Variants in TAF2 observed in about 807,000 individuals in gnomAD.
TAF2 encodes TATA-box binding protein associated factor 2, also known as transcription initiation factor TFIID subunit 2.
In TAF2, 61 loss-of-function variants were observed where a neutral mutation model predicts 138.5. The ratio of observed to expected loss-of-function variants is 0.44; its 90% CI spans 0.36 to 0.54. The LOEUF (loss-of-function observed/expected upper bound fraction) is 0.54, where lower values mean the gene tolerates loss of function less well. TAF2 is among the 20% of genes least tolerant of loss of function. The pLI is 0.00. For synonymous variants in TAF2, 475 were observed against 469.9 expected, an observed-to-expected ratio of 1.01 and a Z score of -0.14; for missense variants, 1,090 against 1,427.9, an observed-to-expected ratio of 0.76 and a Z score of 3.81.
intron 17 of TAF2, among the ~76,000 whole-genome samples, chr8:119,779,125 ATCTC>A (rs148882229): frequency 6.6e-6 from 1 of 151,580 alleles, no homozygotes. Context: ...TTAGGCACCA[ATCTC>A]TCTCTCTCTC....
At chr8:119,760,356 G>C (rs779177251) in intron 20 of TAF2, 1 of 400,032 alleles carries the variant, frequency 2.5e-6, no homozygotes, top group Non-Finnish European at 4.5e-6. Context: ...TCCAATTAAA[G>C]CTACAGGATG....
At chr8:119,806,450 C>A (rs1328316007) in intron 3 of TAF2, 49 bp from the exon 4 acceptor site, 2 of 1,346,080 alleles carry the variant, frequency 1.5e-6, no homozygotes, top group African/African-American at 1.5e-5. Flanking sequence ...TGTATCTTAC[C>A]AAGCATTTTT....
chr8:119,750,481 A>G (rs1211485435), intron 22 of TAF2, among the ~76,000 whole-genome samples: 1 of 152,212 alleles, frequency 6.6e-6, no homozygotes, highest in Non-Finnish European at 1.5e-5. Context: ...AGAAATTTGT[A>G]CACAGTTAAG....
intron 19 of TAF2, among the ~76,000 whole-genome samples, chr8:119,762,078 A>C (rs1368463468): frequency 6.6e-6 from 1 of 152,162 alleles, no homozygotes; most frequent in African/African-American, 2.4e-5. Flanking sequence ...ACAATAGAGA[A>C]TGTTTATATA....
chr8:119,762,291 G>T (rs775191641), intron 19 of TAF2, 124 bp downstream of exon 19: 1 of 892,558 alleles, frequency 1.1e-6, no homozygotes, highest in Non-Finnish European at 1.7e-6. Flanking sequence ...GTGGGTGGTA[G>T]AATCATACAG....
intron 6 of TAF2, among the ~76,000 whole-genome samples, chr8:119,800,598 CAA>C (rs1406030797): frequency 6.6e-6 from 1 of 152,054 alleles, no homozygotes; most frequent in Non-Finnish European, 1.5e-5. Context: ...GATCATTTAC[CAA>C]AGACAATAAA....
chr8:119,782,156 T>A lies in TAF2; in HGVS notation c.2113-963A>T, dbSNP rs188962530. On this transcript the variant is annotated intron_variant, in intron 16 of 25. Coordinates refer to ENST00000378164, the MANE Select transcript of TAF2 (RefSeq NM_003184.4). ...ATTTTAACCTTATGAGACAGAAACA[T>A]CATCATGAATTTTAAATAAGGTTTT... Among the ~76,000 whole-genome samples, 101 of 152,282 alleles carry A rather than the reference T, an allele frequency of 6.6e-4. No individual in the cohort carries two copies. The South Asian group carries it at 8.3e-3, about 12-fold the overall frequency.
chr8:119,805,903 GTTTTTC>G (rs1311259173), intron 4 of TAF2, among the ~76,000 whole-genome samples: 7 of 139,128 alleles, frequency 5.0e-5, no homozygotes, highest in Admixed American at 4.8e-4. Flanking sequence ...TTTTGTTTTT[GTTTTTC>G]TTTTTTTTTT....
intron 3 of TAF2, among the ~76,000 whole-genome samples, chr8:119,808,676 T>C (rs139421274): frequency 6.6e-6 from 1 of 152,332 alleles, no homozygotes; most frequent in African/African-American, 2.4e-5. Flanking sequence ...CTTTAATCCA[T>C]AGGCTGCAGA....
At chr8:119,760,502 CTG>C (rs1399649950) in intron 20 of TAF2, 95 bp downstream of exon 20, 22 of 1,286,786 alleles carry the variant, frequency 1.7e-5, no homozygotes, top group African/African-American at 1.5e-5. Flanking sequence ...ATTAAAATAT[CTG>C]TGTTATACAT....
At chr8:119,797,161 GAAAAT>G (rs1361234429) in intron 7 of TAF2, 58 bp from the exon 8 acceptor site, 3 of 1,203,182 alleles carry the variant, frequency 2.5e-6, no homozygotes, top group Non-Finnish European at 3.7e-6. Flanking sequence ...CTTATTCAGT[GAAAAT>G]AAAATAATTC....
In TAF2 at chr8:119,731,380, G is replaced by A. The variant is rs1818868813; in HGVS notation, c.*544C>T. 6.6e-6 allele frequency: 1 copy of A among 152,582 alleles called. No homozygotes were observed. Among genetic ancestry groups the A allele is most frequent in the Admixed American group, 6.5e-5 (1 of 15,330 alleles). 9.5% of individuals were successfully genotyped at this position (152,582 alleles called of 1,614,324 possible). On this transcript the variant is annotated 3_prime_UTR_variant, in exon 26 of 26. Coordinates refer to ENST00000378164, the MANE Select transcript of TAF2 (RefSeq NM_003184.4). ...CAAAAGGAAAAATAACATATTCTTT[G>A]TTCATAAATTCTGATGCTTAGTTTC...
At chr8:119,815,733 C>CA (rs1825418570) in intron 3 of TAF2, among the ~76,000 whole-genome samples, 3 of 152,034 alleles carry the variant, frequency 2.0e-5, no homozygotes, top group Admixed American at 2.0e-4. Context: ...ACAGCAAAAA[C>CA]AAAAACACCA....
chr8:119,795,668 A>C, intron 8 of TAF2, 37 bp from the exon 9 acceptor site: 2 of 1,549,340 alleles, frequency 1.3e-6, no homozygotes. Flanking sequence ...ACTTTTAATC[A>C]TAAAAACTCC....
Position 119,744,385 on chromosome 8 carries a change from AC to A in TAF2, c.3116del (p.Ser1039IlefsTer24). 6.2e-7 allele frequency: 1 copy of A among 1,613,240 alleles called. No individual in the cohort carries two copies. The highest frequency in any genetic ancestry group is 8.5e-7 in the Non-Finnish European group (1 of 1,179,698). On this transcript the variant is annotated frameshift_variant, in exon 24 of 26. Transcript: ENST00000378164. LOFTEE classifies it high-confidence loss of function. ...TATCAATCTCCTCCTCATCTTGAGA[AC>A]TGGAAAACTAAAACACACACACATA... is the stretch of plus-strand genomic sequence containing the variant. ...QLVGFQNPFS[S>X]SQDEEEIDMD... is the part of the protein sequence containing the mutation.
Position 119,755,342 on chromosome 8 carries a change from C to T in TAF2, c.2878+664G>A, listed in dbSNP as rs147561039. Among the ~76,000 whole-genome samples, 15 of 152,118 alleles carry T rather than the reference C, an allele frequency of 9.9e-5. No homozygotes were observed. The East Asian group carries it at 2.9e-3, about 29-fold the overall frequency. On this transcript the variant is annotated intron_variant, in intron 22 of 25. Transcript: ENST00000378164. ...TGAAACTCTGTCTCTACTAAAAATA[C>T]AAAAATTAGCCGGGCATGGTGGCAC...
At chr8:119,795,968 T>C (rs757794812) in intron 8 of TAF2, among the ~76,000 whole-genome samples, 7 of 152,124 alleles carry the variant, frequency 4.6e-5, no homozygotes, top group Non-Finnish European at 1.0e-4. Flanking sequence ...TACTTGCTCA[T>C]AGCCAGGACT....
At chr8:119,801,666 G>C (rs1197751425) in intron 6 of TAF2, 128 bp downstream of exon 6, 11 of 825,532 alleles carry the variant, frequency 1.3e-5, no homozygotes, top group Non-Finnish European at 2.1e-5. Context: ...CTGACCCTGT[G>C]ATCCGCCCAC....
At chr8:119,806,453 G>T in intron 3 of TAF2, 52 bp from the exon 4 acceptor site, 6 of 1,217,712 alleles carry the variant, frequency 4.9e-6, no homozygotes, top group East Asian at 2.5e-5. Context: ...ATCTTACCAA[G>T]CATTTTTCTT....
Sources: gnomAD v4.1 joint callset for allele counts (sites outside exome capture counted in the v4.1 genomes callset) on GRCh38, gnomAD v4.1.1 for gene constraint, MANE v1.5 for transcripts, NCBI Gene and HGNC (gene_info 2026-07-23, HGNC 2026-07-21) for gene names.